Variants in EOGT observed in about 807,000 individuals in gnomAD.
EOGT encodes EGF domain-specific O-linked N-acetylglucosamine transferase.
EOGT carries 55 observed loss-of-function variants against 70.5 expected under a neutral mutation model. That is an observed-to-expected ratio of 0.78 (90% CI 0.63 to 0.98). The LOEUF (loss-of-function observed/expected upper bound fraction) is 0.98, where lower values mean the gene tolerates loss of function less well. Among genes scored for constraint, EOGT ranks in the 50% least tolerant of loss-of-function variants. The pLI is 0.00. For missense variants in EOGT, 703 were observed against 641.9 expected, an observed-to-expected ratio of 1.10 and a Z score of -1.03; for synonymous variants, 246 against 217.1, an observed-to-expected ratio of 1.13 and a Z score of -1.17.
In EOGT at chr3:68,979,611, GCA is replaced by G. The variant is rs142852479; in HGVS notation, c.1334+55_1334+56del. ...TTTGATGCTCAGAATGAAAGCTTTA[GCA>G]TGCATAAAAAGCATTATCAGTTGCT... On this transcript the variant is annotated intron_variant, in intron 16 of 17. Coordinates refer to ENST00000383701, the MANE Select transcript of EOGT (RefSeq NM_001278689.2). 0.037 allele frequency: 57,967 copies of G among 1,576,888 alleles called. 1,235 individuals are homozygous for G. Among genetic ancestry groups the G allele is most frequent in the South Asian group, 0.052 (4,507 of 87,176 alleles).
intron 3 of EOGT, among the ~76,000 whole-genome samples, chr3:69,010,731 G>C (rs2091554793): frequency 6.6e-6 from 1 of 152,192 alleles, no homozygotes; most frequent in Non-Finnish European, 1.5e-5. Context: ...TAACATTAAA[G>C]CTGAGATCTG....
In EOGT at chr3:69,001,929, A is replaced by C. The variant is rs9873272; in HGVS notation, c.621-215T>G. ...GGAACAGACCGGGTGCAGTGGCTCAAACCTGTAATCCCAGCACTTTGGGAG... is the reference window on the plus strand; with the variant it reads ...GGAACAGACCGGGTGCAGTGGCTCACACCTGTAATCCCAGCACTTTGGGAG... On this transcript the variant is annotated intron_variant, in intron 8 of 17. Transcript: ENST00000383701. Among the ~76,000 whole-genome samples the C allele has an allele frequency of 0.82, 124,946 of 152,224 alleles. 51,428 individuals are homozygous for C. Among genetic ancestry groups the C allele is most frequent in the Admixed American group, 0.85 (13,052 of 15,294 alleles).
chr3:69,007,775 C>T lies in EOGT; in HGVS notation c.358G>A (p.Asp120Asn). Residue 120 changes from aspartate (D) to asparagine (N), a missense_variant, in exon 6 of 18, where the codon GAC (aspartate) becomes AAC (asparagine). By Grantham distance (23) the Asp-to-Asn change is conservative. Coordinates refer to ENST00000383701, the MANE Select transcript of EOGT (RefSeq NM_001278689.2). ...SAEDIFWKQADFGYARERLEE... is the reference protein window; with the variant it reads ...SAEDIFWKQANFGYARERLEE... ...AGCCTCTCTCTGGCATATCCAAAGT[C>T]AGCTTGTTTCCAAAATATGTCCTCA... The T allele has an allele frequency of 6.2e-7, 1 of 1,613,308 alleles. No individual in the cohort carries two copies. The highest frequency in any genetic ancestry group is 8.5e-7 in the Non-Finnish European group (1 of 1,179,562).
chr3:68,982,634 G>C (rs907774690), intron 15 of EOGT, 177 bp downstream of exon 15: 1 of 411,124 alleles, frequency 2.4e-6, no homozygotes, highest in African/African-American at 2.0e-5. Context: ...GAAAGCCAAA[G>C]AGTAACTGCC....
At position 68,985,384 on chromosome 3, in the gene EOGT, T is replaced by G. The variant is rs12630479; in HGVS notation, c.1152+2061A>C. On this transcript the variant is annotated intron_variant, in intron 14 of 17. Transcript: ENST00000383701. ...CAGGAAGAGATGTTAATTACATAAT[T>G]CGGATCAGCCTGTTAGGCAGCCAAA... Among the ~76,000 whole-genome samples, 669 of 152,240 alleles carry G rather than the reference T, an allele frequency of 4.4e-3. 15 individuals carry two copies. In the East Asian group the frequency reaches 0.046, roughly 10 times the overall value.
At chr3:68,998,523 T>C (rs1342847936) in intron 9 of EOGT, among the ~76,000 whole-genome samples, 1 of 152,188 alleles carries the variant, frequency 6.6e-6, no homozygotes, top group Non-Finnish European at 1.5e-5. Flanking sequence ...TATGGTGGCA[T>C]GTGCCACCAT....
At chr3:69,003,798 AG>A in intron 8 of EOGT, among the ~76,000 whole-genome samples, 1 of 152,280 alleles carries the variant, frequency 6.6e-6, no homozygotes, top group Non-Finnish European at 1.5e-5. Flanking sequence ...CCTGGGTAAA[AG>A]TTACATGGGT....
intron 10 of EOGT, among the ~76,000 whole-genome samples, chr3:68,993,773 G>A (rs760257174): frequency 2.9e-4 from 44 of 152,164 alleles, no homozygotes; most frequent in Non-Finnish European, 4.4e-4. Context: ...GGCTGGGGAG[G>A]CCTCAGAATC....
intron 9 of EOGT, among the ~76,000 whole-genome samples, chr3:69,001,132 G>A (rs1329052653): frequency 6.6e-6 from 1 of 151,712 alleles, no homozygotes; most frequent in African/African-American, 2.4e-5. Context: ...AATTTTTTGT[G>A]TTTTTTTAGT....
rs995471278 is a variant in EOGT at position 68,979,771 on chromosome 3, C to T, written c.1231G>A (p.Asp411Asn). Reference protein sequence around the residue: ...DYKYRELGFLDQLRITHNTDI... With the variant: ...DYKYRELGFLNQLRITHNTDI... Reference sequence around the variant, plus strand: ...GTGTTGTGTGTGATCCTTAGTTGATCTAAAAACCCAAGTTCTCTGTGAACA... The same window carrying T: ...GTGTTGTGTGTGATCCTTAGTTGATTTAAAAACCCAAGTTCTCTGTGAACA... The change falls in exon 16 of 18, where the codon GAT (aspartate) becomes AAT (asparagine). Residue 411 changes from aspartate (D) to asparagine (N), a missense_variant. By Grantham distance (23) the Asp-to-Asn change is conservative. Coordinates refer to ENST00000383701, the MANE Select transcript of EOGT (RefSeq NM_001278689.2). 2.5e-6 allele frequency: 4 copies of T among 1,613,276 alleles called. No individual in the cohort carries two copies. In the East Asian group the frequency reaches 6.7e-5, roughly 27 times the overall value.
chr3:68,982,492 C>T (rs1375565047), intron 15 of EOGT, among the ~76,000 whole-genome samples: 1 of 152,096 alleles, frequency 6.6e-6, no homozygotes, highest in East Asian at 1.9e-4. Flanking sequence ...TGCACTCCAG[C>T]CTGGGTGACA....
At chr3:69,010,582 T>A (rs1329042948) in intron 3 of EOGT, among the ~76,000 whole-genome samples, 3 of 152,212 alleles carry the variant, frequency 2.0e-5, no homozygotes, top group Non-Finnish European at 4.4e-5. Context: ...ATAATAAACC[T>A]TCATCATAGA....
At chr3:68,992,781 A>G (rs9853259) in intron 10 of EOGT, among the ~76,000 whole-genome samples, 125,566 of 152,244 alleles carry the variant, frequency 0.82, 51,968 homozygotes, top group Admixed American at 0.86. Context: ...GCATCTAGGC[A>G]TTTCCATACA....
At chr3:69,009,933 CAAAA>C in intron 3 of EOGT, 73 bp from the exon 4 acceptor site, 6 of 254,908 alleles carry the variant, frequency 2.4e-5, no homozygotes, top group East Asian at 4.6e-5. Flanking sequence ...ACAACAACAA[CAAAA>C]AAAAAAAAAA....
rs948768233 is a variant in EOGT, at chr3:68,995,932, G to A, written c.831+2079C>T. Among the ~76,000 whole-genome samples the A allele has an allele frequency of 3.3e-5, 5 of 152,082 alleles. No individual in the cohort carries two copies. In the South Asian group the frequency reaches 6.2e-4, roughly 19 times the overall value. Reference sequence around the variant, plus strand: ...TAAGCTAATGAAAACTCAAGTCCACGGGGGTCATAAGCATGAAATGAAGTA... The same window carrying A: ...TAAGCTAATGAAAACTCAAGTCCACAGGGGTCATAAGCATGAAATGAAGTA... On this transcript the variant is annotated intron_variant, in intron 10 of 17. Transcript: ENST00000383701.
At chr3:68,993,688 G>A (rs1312051395) in intron 10 of EOGT, among the ~76,000 whole-genome samples, 3 of 152,124 alleles carry the variant, frequency 2.0e-5, no homozygotes, top group Admixed American at 6.6e-5. Flanking sequence ...GTATGAGTCC[G>A]TTTTCAGTCT....
intron 16 of EOGT, among the ~76,000 whole-genome samples, chr3:68,979,348 T>C (rs555687101): frequency 1.8e-4 from 28 of 152,302 alleles, no homozygotes; most frequent in Admixed American, 5.2e-4. Flanking sequence ...ACACAATAAC[T>C]ACACTGTTTG....
At position 68,978,234 on chromosome 3, in the gene EOGT, T is replaced by C. The variant is rs1053046852; in HGVS notation, c.1437+99A>G. 6 of 864,476 alleles carry C rather than the reference T, an allele frequency of 6.9e-6. No individual in the cohort carries two copies. In the African/African-American group the frequency reaches 8.6e-5, roughly 12 times the overall value. The allele number at this position is 864,476 out of a possible 1,614,324, so 53.6% of individuals were successfully genotyped here. On this transcript the variant is annotated intron_variant, in intron 17 of 17. Transcript: ENST00000383701. ...CAGTATTCCAGAGAACAGTTTATCT[T>C]TGCAGCACTGAAGTTCAATAACCAT...
chr3:68,977,298 C>T lies in EOGT; in HGVS notation c.*320G>A. ...CTGAGATCATGCCACTGCACTCCAG[C>T]CTGGGTGACAGTGAGACTCTGTCTC... On this transcript the variant is annotated 3_prime_UTR_variant, in exon 18 of 18. Coordinates refer to ENST00000383701, the MANE Select transcript of EOGT (RefSeq NM_001278689.2). The T allele has an allele frequency of 4.6e-6, 1 of 215,364 alleles. No homozygotes were observed. Among genetic ancestry groups the T allele is most frequent in the Non-Finnish European group, 9.0e-6 (1 of 110,540 alleles). The allele number at this position is 215,364 out of a possible 1,614,324, so 13.3% of individuals were successfully genotyped here.
Sources: allele counts gnomAD v4.1 joint callset (sites outside exome capture counted in the v4.1 genomes callset), GRCh38; gene constraint gnomAD v4.1.1; transcripts MANE v1.5; gene names NCBI Gene and HGNC (gene_info 2026-07-23, HGNC 2026-07-21).